GPC6: variants seen among roughly 807,000 people sequenced by gnomAD.
The protein encoded by GPC6 is glypican-6.
GPC6 carries 14 observed loss-of-function variants against 55.2 expected under a neutral mutation model. The observed-to-expected ratio is 0.25, with a 90% CI of 0.17 to 0.40. GPC6 has a LOEUF of 0.40. Ranked by LOEUF, GPC6 falls within the 10% of genes least tolerant of loss-of-function variation. The pLI, the probability that GPC6 is intolerant of heterozygous loss-of-function variation, is 1.00. For synonymous variants in GPC6, 278 were observed against 259.6 expected (o/e 1.07, Z -0.68); for missense variants, 641 against 708.5 (o/e 0.90, Z 1.08).
chr13:94,284,878 AC>A (rs1389840170), intron 4 of GPC6, among the ~76,000 whole-genome samples: 3 of 139,590 alleles, frequency 2.1e-5, no homozygotes, highest in Admixed American at 1.4e-4. Flanking sequence ...AAAAAAAAAA[AC>A]ACATAACATG....
chr13:93,532,845 G>A (rs1445248), intron 1 of GPC6, among the ~76,000 whole-genome samples: 43,287 of 151,110 alleles, frequency 0.29, 6,334 homozygotes, highest in African/African-American at 0.34. Context: ...TAAACAATTA[G>A]CTAATTGGTC....
intron 3 of GPC6, among the ~76,000 whole-genome samples, chr13:93,900,938 A>G (rs1876312051): frequency 6.6e-6 from 1 of 152,214 alleles, no homozygotes; most frequent in Admixed American, 6.5e-5. Flanking sequence ...GTTTTCTGTT[A>G]GATGAGGCCC....
At chr13:94,101,325 A>G (rs74476860) in intron 4 of GPC6, among the ~76,000 whole-genome samples, 2,469 of 151,574 alleles carry the variant, frequency 0.016, 69 homozygotes, top group African/African-American at 0.057. Flanking sequence ...CCATGTTATC[A>G]ACAGCAGCCT....
intron 1 of GPC6, among the ~76,000 whole-genome samples, chr13:93,280,949 C>T (rs1460512254): frequency 6.6e-6 from 1 of 152,192 alleles, no homozygotes; most frequent in African/African-American, 2.4e-5. Context: ...ATGCTCGTCC[C>T]TTGCTCACCT....
At chr13:94,396,061 T>C (rs1880883670) in intron 7 of GPC6, among the ~76,000 whole-genome samples, 1 of 152,198 alleles carries the variant, frequency 6.6e-6, no homozygotes, top group Admixed American at 6.5e-5. Context: ...ACTGTGTCTT[T>C]GGGTGCCTCT....
chr13:94,386,843 T>C (rs1880434478), intron 7 of GPC6, among the ~76,000 whole-genome samples: 1 of 152,184 alleles, frequency 6.6e-6, no homozygotes, highest in African/African-American at 2.4e-5. Context: ...TATCTAAGTG[T>C]TTAATCAGGC....
chr13:93,494,223 T>A (rs1880158200), intron 1 of GPC6, among the ~76,000 whole-genome samples: 3 of 129,124 alleles, frequency 2.3e-5, no homozygotes, highest in Admixed American at 8.0e-5. Context: ...TGGGTGCATA[T>A]ATATTTAGGA....
At chr13:93,833,319 T>C (rs1887603732) in intron 3 of GPC6, among the ~76,000 whole-genome samples, 1 of 152,160 alleles carries the variant, frequency 6.6e-6, no homozygotes, top group African/African-American at 2.4e-5. Context: ...CTACTGGTAC[T>C]ATGATGATTT....
intron 2 of GPC6, among the ~76,000 whole-genome samples, chr13:93,645,167 A>G (rs1880122277): frequency 6.6e-6 from 1 of 152,210 alleles, no homozygotes; most frequent in Non-Finnish European, 1.5e-5. Context: ...TCACCTTAGA[A>G]AACTGTTCAG....
chr13:94,197,987 T>C (rs1889632888), intron 4 of GPC6, among the ~76,000 whole-genome samples: 1 of 152,220 alleles, frequency 6.6e-6, no homozygotes, highest in African/African-American at 2.4e-5. Context: ...GCAAGAAAAA[T>C]AATGTTTTGA....
intron 4 of GPC6, among the ~76,000 whole-genome samples, chr13:94,077,345 T>G (rs956065339): frequency 6.6e-6 from 1 of 151,938 alleles, no homozygotes; most frequent in Non-Finnish European, 1.5e-5. Flanking sequence ...GCAACTTTAC[T>G]GAATTTGTTT....
At chr13:93,822,690 T>A (rs9561454) in intron 2 of GPC6, among the ~76,000 whole-genome samples, 4,385 of 149,738 alleles carry the variant, frequency 0.029, 118 homozygotes, top group South Asian at 0.074. Flanking sequence ...AGTGTGAACA[T>A]GCAGTGTTTG....
At chr13:93,696,448 T>G (rs2138787831) in intron 2 of GPC6, among the ~76,000 whole-genome samples, 1 of 152,284 alleles carries the variant, frequency 6.6e-6, no homozygotes, top group South Asian at 2.1e-4. Flanking sequence ...TGGACTATTT[T>G]AATACACCTT....
At chr13:93,225,925 TTAG>T (rs1875763182), upstream of GPC6, among the ~76,000 whole-genome samples, 1 of 152,332 alleles carries the variant, frequency 6.6e-6, no homozygotes, top group East Asian at 1.9e-4. Context: ...TTAAACTATC[TTAG>T]TAGTTTCAGG....
upstream of GPC6, among the ~76,000 whole-genome samples, chr13:93,223,418 CT>C (rs111311621): frequency 2.2e-4 from 34 of 151,860 alleles, 2 homozygotes; most frequent in African/African-American, 6.0e-4. Flanking sequence ...GAGATGCAAT[CT>C]TTTTTTTGTC....
intron 4 of GPC6, among the ~76,000 whole-genome samples, chr13:94,115,779 G>A (rs1359965306): frequency 1.3e-5 from 2 of 152,066 alleles, no homozygotes; most frequent in East Asian, 1.9e-4. Context: ...TTCTTAAACT[G>A]TAAAAATTAG....
intron 1 of GPC6, among the ~76,000 whole-genome samples, chr13:93,324,587 C>CATACATATATATAT (rs372726538): frequency 4.3e-4 from 53 of 122,884 alleles, no homozygotes; most frequent in Non-Finnish European, 7.3e-4. Context: ...CACATACATA[C>CATACATATATATAT]ATATATATAT....
intron 4 of GPC6, among the ~76,000 whole-genome samples, chr13:94,183,570 G>T (rs190402788): frequency 1.3e-5 from 2 of 152,220 alleles, no homozygotes; most frequent in East Asian, 3.9e-4. Flanking sequence ...ATGCTCTGGG[G>T]TACATACCTA....
chr13:93,635,379 C>G (rs1879650058), intron 2 of GPC6, among the ~76,000 whole-genome samples: 1 of 152,110 alleles, frequency 6.6e-6, no homozygotes, highest in African/African-American at 2.4e-5. Flanking sequence ...CCAATCATTG[C>G]AAATATCCCA....
Sources: gnomAD v4.1 joint callset for allele counts (sites outside exome capture counted in the v4.1 genomes callset) on GRCh38, gnomAD v4.1.1 for gene constraint, MANE v1.5 for transcripts, NCBI Gene and HGNC (gene_info 2026-07-23, HGNC 2026-07-21) for gene names.